CAMK1D: variants seen among roughly 807,000 people sequenced by gnomAD.
The protein encoded by CAMK1D is calcium/calmodulin-dependent protein kinase type 1D.
In CAMK1D, 9 loss-of-function variants were observed where a neutral mutation model predicts 47.7. The observed-to-expected ratio is 0.19, with a 90% CI of 0.11 to 0.33. The LOEUF is 0.33. CAMK1D is among the 10% of genes least tolerant of loss of function. The pLI, the probability that CAMK1D is intolerant of heterozygous loss-of-function variation, is 1.00. For synonymous variants in CAMK1D, 184 were observed against 184.9 expected, an observed-to-expected ratio of 0.99 and a Z score of 0.04; for missense variants, 291 against 488.7, an observed-to-expected ratio of 0.60 and a Z score of 3.81.
chr10:12,547,701 C>CACACACA (rs1554786385), intron 1 of CAMK1D, among the ~76,000 whole-genome samples: 3 of 143,728 alleles, frequency 2.1e-5, no homozygotes, highest in Non-Finnish European at 3.0e-5. Context: ...CACACACACA[C>CACACACA]CACTGTGTTA....
At position 12,761,973 on chromosome 10, in the gene CAMK1D, T is replaced by C. The variant is rs77773148; in HGVS notation, c.438+887T>C. ...TTTTGGTATATTGACCCTTTCCCCGTTGGCACAGAAGGATCTGGGCCTTAT... is the reference window on the plus strand; with the variant it reads ...TTTTGGTATATTGACCCTTTCCCCGCTGGCACAGAAGGATCTGGGCCTTAT... On this transcript the variant is annotated intron_variant, in intron 4 of 10. Transcript: ENST00000619168. Among the ~76,000 whole-genome samples the C allele has an allele frequency of 1.5e-3, 228 of 152,358 alleles. 6 individuals carry two copies. The East Asian group carries it at 0.042, about 28-fold the overall frequency.
At chr10:12,414,352 T>C (rs1215348534) in intron 1 of CAMK1D, among the ~76,000 whole-genome samples, 1 of 152,220 alleles carries the variant, frequency 6.6e-6, no homozygotes, top group East Asian at 1.9e-4. Context: ...AGCATTTGTG[T>C]ACAGTAGCTA....
intron 2 of CAMK1D, among the ~76,000 whole-genome samples, chr10:12,606,877 G>A (rs903057108): frequency 3.3e-5 from 5 of 152,018 alleles, no homozygotes; most frequent in African/African-American, 9.7e-5. Context: ...CACCGGGCTG[G>A]AGTGCCGTGG....
intron 1 of CAMK1D, among the ~76,000 whole-genome samples, chr10:12,387,399 T>TATATATAATATATATA (rs1564306946): frequency 6.1e-5 from 4 of 65,378 alleles, no homozygotes; most frequent in Admixed American, 2.2e-4. Context: ...ATTATATATT[T>TATATATAATATATATA]TTATATATTA....
intron 3 of CAMK1D, among the ~76,000 whole-genome samples, chr10:12,745,607 C>CTT (rs62682462): frequency 0.26 from 37,475 of 144,722 alleles, 5,118 homozygotes; most frequent in African/African-American, 0.37. Context: ...TTCTTTTTTT[C>CTT]TTTTTTTTTT....
At chr10:12,824,805 C>A (rs988856218) in intron 9 of CAMK1D, among the ~76,000 whole-genome samples, 1 of 152,158 alleles carries the variant, frequency 6.6e-6, no homozygotes, top group East Asian at 1.9e-4. Flanking sequence ...CCAACATCAC[C>A]CTTGTCTTTC....
chr10:12,551,686 C>T (rs529737725), intron 1 of CAMK1D, among the ~76,000 whole-genome samples: 11 of 151,856 alleles, frequency 7.2e-5, no homozygotes, highest in African/African-American at 1.2e-4. Flanking sequence ...TGCAGTGAGC[C>T]GAGATCACAC....
chr10:12,777,363 CTTTTTT>C (rs869192068), intron 5 of CAMK1D, among the ~76,000 whole-genome samples: 2 of 88,524 alleles, frequency 2.3e-5, no homozygotes, highest in African/African-American at 8.6e-5. Context: ...TTTGGTTGAA[CTTTTTT>C]TTTTTTTTTT....
chr10:12,539,471 G>A (rs1277784466), intron 1 of CAMK1D, among the ~76,000 whole-genome samples: 1 of 152,182 alleles, frequency 6.6e-6, no homozygotes, highest in East Asian at 1.9e-4. Context: ...TGAACATTCT[G>A]TCCCGTCGTT....
At chr10:12,626,900 G>T (rs1039893145) in intron 2 of CAMK1D, among the ~76,000 whole-genome samples, 4 of 152,038 alleles carry the variant, frequency 2.6e-5, no homozygotes, top group African/African-American at 9.7e-5. Flanking sequence ...ACAGACACAC[G>T]CAAATACGTG....
chr10:12,631,676 C>T (rs1363057250), intron 2 of CAMK1D, among the ~76,000 whole-genome samples: 1 of 147,922 alleles, frequency 6.8e-6, no homozygotes, highest in Non-Finnish European at 1.5e-5. Context: ...ATCACTTGTT[C>T]CCACGTTAAT....
chr10:12,382,938 ATT>A (rs754496255), intron 1 of CAMK1D, among the ~76,000 whole-genome samples: 6 of 144,736 alleles, frequency 4.1e-5, no homozygotes, highest in African/African-American at 7.6e-5. Flanking sequence ...GCAAGTAGCA[ATT>A]TTTTTTTTTT....
At chr10:12,717,281 G>T (rs989613037) in intron 3 of CAMK1D, among the ~76,000 whole-genome samples, 2 of 152,140 alleles carry the variant, frequency 1.3e-5, no homozygotes, top group Non-Finnish European at 2.9e-5. Context: ...TTAACTGCTT[G>T]TTCCTCTTGG....
intron 10 of CAMK1D, 51 bp downstream of exon 10, chr10:12,825,741 T>G (rs1052790134): frequency 9.9e-6 from 16 of 1,612,820 alleles, no homozygotes; most frequent in African/African-American, 1.3e-5. Flanking sequence ...AAGACGAGCC[T>G]GGGGTGGAGA....
chr10:12,823,078 G>A (rs949341041), intron 8 of CAMK1D, among the ~76,000 whole-genome samples: 3 of 152,154 alleles, frequency 2.0e-5, no homozygotes, highest in South Asian at 4.1e-4. Context: ...TGTCCACCCT[G>A]TTTGCAGTCC....
At chr10:12,820,143 G>A (rs576463671) in intron 8 of CAMK1D, among the ~76,000 whole-genome samples, 4 of 152,276 alleles carry the variant, frequency 2.6e-5, no homozygotes, top group Admixed American at 6.5e-5. Context: ...GGGTTCAAAC[G>A]ATTCTCCTGC....
intron 5 of CAMK1D, among the ~76,000 whole-genome samples, chr10:12,781,617 G>T (rs1837495485): frequency 6.6e-6 from 1 of 151,666 alleles, no homozygotes; most frequent in Non-Finnish European, 1.5e-5. Context: ...GAGGCTACTG[G>T]ACAGATCAGG....
intron 1 of CAMK1D, among the ~76,000 whole-genome samples, chr10:12,425,284 C>CT (rs778105667): frequency 0.024 from 3,431 of 140,962 alleles, 64 homozygotes; most frequent in Non-Finnish European, 0.035. Context: ...TTCTTTCTTT[C>CT]TTTTTTTTTT....
chr10:12,566,817 T>C (rs1376152464), intron 2 of CAMK1D, among the ~76,000 whole-genome samples: 3 of 152,196 alleles, frequency 2.0e-5, no homozygotes, highest in Non-Finnish European at 4.4e-5. Flanking sequence ...GTTGGCCAGA[T>C]TCCACAATGG....
Sources: gnomAD v4.1 joint callset for allele counts (sites outside exome capture counted in the v4.1 genomes callset) on GRCh38, gnomAD v4.1.1 for gene constraint, MANE v1.5 for transcripts, NCBI Gene and HGNC (gene_info 2026-07-23, HGNC 2026-07-21) for gene names.